THADA: variants seen among roughly 807,000 people sequenced by gnomAD.
The protein encoded by THADA is THADA armadillo repeat containing.
In THADA, 213 loss-of-function variants were observed where a neutral mutation model predicts 219.8. The ratio of observed to expected loss-of-function variants is 0.97; its 90% CI spans 0.87 to 1.09. The LOEUF (loss-of-function observed/expected upper bound fraction) is 1.09. THADA is among the 50% of genes least tolerant of loss of function. The probability of loss-of-function intolerance (pLI) is 0.00; values close to 1 mark genes in which losing one functional copy is unlikely to be tolerated. For synonymous variants in THADA, 1,018 were observed against 828.9 expected, an observed-to-expected ratio of 1.23 and a Z score of -3.92; for missense variants, 2,956 against 2,311.3, an observed-to-expected ratio of 1.28 and a Z score of -5.72.
intron 28 of THADA, among the ~76,000 whole-genome samples, chr2:43,425,492 G>A (rs769222686): frequency 1.6e-4 from 23 of 145,468 alleles, no homozygotes; most frequent in Non-Finnish European, 3.0e-4. Context: ...GTGTGTGATG[G>A]TATTAAATTT....
chr2:43,586,052 T>C (rs191460754), intron 7 of THADA, among the ~76,000 whole-genome samples: 2 of 152,138 alleles, frequency 1.3e-5, no homozygotes, highest in Admixed American at 1.3e-4. Context: ...ATTACTTCAG[T>C]CCAGTAGTTT....
At chr2:43,387,589 G>A (rs1672845971) in intron 29 of THADA, among the ~76,000 whole-genome samples, 1 of 151,406 alleles carries the variant, frequency 6.6e-6, no homozygotes, top group Non-Finnish European at 1.5e-5. Context: ...TTGTCCCACA[G>A]GATGATGGGG....
chr2:43,446,776 A>T (rs1161344779), intron 26 of THADA, among the ~76,000 whole-genome samples: 3 of 152,230 alleles, frequency 2.0e-5, no homozygotes, highest in African/African-American at 7.2e-5. Context: ...TAAATAGAAG[A>T]GATGCTGATA....
intron 34 of THADA, among the ~76,000 whole-genome samples, chr2:43,287,898 C>G (rs114590823): frequency 0.014 from 2,138 of 152,256 alleles, 24 homozygotes; most frequent in Admixed American, 0.018. Context: ...TTAGGAAATG[C>G]CCATGATCTT....
At chr2:43,280,940 T>C (rs550756664) in intron 35 of THADA, among the ~76,000 whole-genome samples, 1 of 152,370 alleles carries the variant, frequency 6.6e-6, no homozygotes, top group Admixed American at 6.5e-5. Context: ...CTGCTGTAAC[T>C]GACACAGAAT....
intron 14 of THADA, among the ~76,000 whole-genome samples, chr2:43,567,355 C>T (rs977161884): frequency 6.6e-6 from 1 of 152,028 alleles, no homozygotes; most frequent in Admixed American, 6.6e-5. Context: ...AAGGGCCAGG[C>T]GTGGTGGCTC....
chr2:43,330,874 C>T (rs1187646836), intron 30 of THADA, among the ~76,000 whole-genome samples: 1 of 152,220 alleles, frequency 6.6e-6, no homozygotes, highest in African/African-American at 2.4e-5. Flanking sequence ...AAAAAACAAA[C>T]TTGCTATTTA....
At chr2:43,484,790 G>T (rs970619374) in intron 26 of THADA, among the ~76,000 whole-genome samples, 2 of 151,996 alleles carry the variant, frequency 1.3e-5, no homozygotes, top group African/African-American at 4.8e-5. Flanking sequence ...TAGTACAAGA[G>T]TTTAATGCAA....
chr2:43,322,114 C>T (rs1217825880), intron 30 of THADA, among the ~76,000 whole-genome samples: 3 of 151,846 alleles, frequency 2.0e-5, no homozygotes, highest in Non-Finnish European at 2.9e-5. Flanking sequence ...CGGCTTACTG[C>T]AACCTCCACC....
intron 16 of THADA, among the ~76,000 whole-genome samples, chr2:43,559,897 C>T (rs955532049): frequency 1.3e-5 from 2 of 152,136 alleles, no homozygotes; most frequent in African/African-American, 4.8e-5. Flanking sequence ...GTGTTCTGAT[C>T]GAATATTACA....
At chr2:43,430,932 T>C (rs1040406550) in intron 26 of THADA, among the ~76,000 whole-genome samples, 2 of 152,212 alleles carry the variant, frequency 1.3e-5, no homozygotes, top group African/African-American at 4.8e-5. Flanking sequence ...TTATGAGAAG[T>C]ACAGTCTTGG....
At position 43,232,758 on chromosome 2, in the gene THADA, C is replaced by T. The variant is rs796208256; in HGVS notation, c.5421G>A (p.Leu1807=). The T allele has an allele frequency of 6.2e-7, 1 of 1,613,894 alleles. No individual in the cohort carries two copies. The highest frequency in any genetic ancestry group is 8.5e-7 in the Non-Finnish European group (1 of 1,179,848). ...AGGCCACGAGGTCATCACTCTCTCC[C>T]AACAGCCATCCCAGCAGGATGGGCA... The part of the protein sequence containing the change: ...PGLPILLGWL[L]GESDDLVACV... The change falls in exon 37 of 38, where the codon TTG becomes TTA. Residue 1807 remains leucine (L), a synonymous_variant. Transcript: ENST00000405975.
chr2:43,508,833 A>G (rs1690026329), intron 22 of THADA, 53 bp from the exon 23 acceptor site: 1 of 1,571,020 alleles, frequency 6.4e-7, no homozygotes, highest in South Asian at 1.1e-5. Context: ...AGTTAAAAGT[A>G]CAAACTATTG....
chr2:43,438,034 G>T (rs1680341831), intron 26 of THADA, among the ~76,000 whole-genome samples: 1 of 152,096 alleles, frequency 6.6e-6, no homozygotes, highest in African/African-American at 2.4e-5. Flanking sequence ...AGGCGCGGTG[G>T]CTCACGCCTG....
intron 28 of THADA, among the ~76,000 whole-genome samples, chr2:43,400,840 A>C (rs1052228355): frequency 6.6e-6 from 1 of 152,172 alleles, no homozygotes; most frequent in African/African-American, 2.4e-5. Flanking sequence ...GAGTAGCCCC[A>C]AAAAGAGAAT....
chr2:43,251,721 A>C (rs1017991702), intron 36 of THADA, among the ~76,000 whole-genome samples: 3 of 152,198 alleles, frequency 2.0e-5, no homozygotes, highest in Non-Finnish European at 4.4e-5. Context: ...CATGGTGAGG[A>C]AACAGGGCCT....
At chr2:43,512,132 A>G (rs910546041) in intron 22 of THADA, among the ~76,000 whole-genome samples, 19 of 152,218 alleles carry the variant, frequency 1.2e-4, no homozygotes, top group Non-Finnish European at 2.4e-4. Context: ...GCAAAATGCC[A>G]TCGATAGAGC....
intron 21 of THADA, among the ~76,000 whole-genome samples, chr2:43,529,590 G>A (rs930448022): frequency 1.3e-5 from 2 of 152,162 alleles, no homozygotes; most frequent in Admixed American, 1.3e-4. Context: ...CTTTTAAGCT[G>A]ATTAGGCTTT....
chr2:43,552,240 T>C lies in THADA; in HGVS notation c.2774A>G (p.His925Arg). The stretch of plus-strand genomic sequence containing the variant: ...CTTCTGCAAAGCTCCTGTTATACAG[T>C]GGACTCGCCCATACATTGGAAATGC... ...AAAFPMYGRVHCITGALQKLS... is the reference protein window; with the variant it reads ...AAAFPMYGRVRCITGALQKLS... Residue 925 changes from histidine to arginine, a missense_variant, in exon 18 of 38, where the codon CAC becomes CGC. By Grantham distance (29) the His-to-Arg change is conservative. Coordinates refer to ENST00000405975, the MANE Select transcript of THADA (RefSeq NM_022065.5). 1 of 1,611,336 alleles carries C rather than the reference T, an allele frequency of 6.2e-7. No individual in the cohort carries two copies. Among genetic ancestry groups the C allele is most frequent in the Non-Finnish European group, 8.5e-7 (1 of 1,179,204 alleles).
Sources: gnomAD v4.1 joint callset for allele counts (sites outside exome capture counted in the v4.1 genomes callset) on GRCh38, gnomAD v4.1.1 for gene constraint, MANE v1.5 for transcripts, NCBI Gene and HGNC (gene_info 2026-07-23, HGNC 2026-07-21) for gene names.